SPMIP2: variants seen among roughly 807,000 people sequenced by gnomAD.
SPMIP2 encodes the protein protein SPMIP2.
chr4:159,009,124 T>C, the SPMIP2 span, among the ~76,000 whole-genome samples: 15 of 152,362 alleles, frequency 9.8e-5, no homozygotes, highest in East Asian at 2.9e-3. Flanking sequence ...GAGATGCTAA[T>C]AATTGGTTCT....
At chr4:159,026,567 T>A in the SPMIP2 span, 3 of 484,258 alleles carry the variant, frequency 6.2e-6, no homozygotes, top group Non-Finnish European at 1.2e-5. Context: ...GCTATGAAAA[T>A]CAACAAGCTC....
chr4:158,949,104 A>G, the SPMIP2 span, among the ~76,000 whole-genome samples: 4 of 152,192 alleles, frequency 2.6e-5, no homozygotes, highest in Non-Finnish European at 5.9e-5. Context: ...TATATAGTAT[A>G]CAATTTCTAG....
At chr4:158,921,887 T>C in the SPMIP2 span, among the ~76,000 whole-genome samples, 1 of 56,940 alleles carries the variant, frequency 1.8e-5, no homozygotes, top group Non-Finnish European at 3.7e-5. Flanking sequence ...CTACATACTT[T>C]TTTTTTTTTT....
At chr4:159,065,387 T>C in the SPMIP2 span, among the ~76,000 whole-genome samples, 10 of 152,228 alleles carry the variant, frequency 6.6e-5, no homozygotes, top group Admixed American at 6.5e-4. Context: ...AAATTGAGAC[T>C]TTTGAAATAT....
chr4:159,069,433 T>A, the SPMIP2 span, among the ~76,000 whole-genome samples: 1 of 151,992 alleles, frequency 6.6e-6, no homozygotes, highest in Non-Finnish European at 1.5e-5. Context: ...ACTTGTTTTC[T>A]TTTTTCTTTT....
the SPMIP2 span, among the ~76,000 whole-genome samples, chr4:159,066,560 A>C: frequency 1.3e-5 from 2 of 149,006 alleles, no homozygotes; most frequent in Admixed American, 1.4e-4. Context: ...TATCCTATAT[A>C]TGTATGGGAT....
chr4:159,075,001 C>A, the SPMIP2 span, among the ~76,000 whole-genome samples: 38 of 152,330 alleles, frequency 2.5e-4, no homozygotes, highest in Admixed American at 3.9e-4. Context: ...TGCCCTCTCA[C>A]AGTGACCACC....
the SPMIP2 span, among the ~76,000 whole-genome samples, chr4:158,961,857 T>A: frequency 6.6e-6 from 1 of 152,136 alleles, no homozygotes; most frequent in Non-Finnish European, 1.5e-5. Flanking sequence ...ACTGTAGTGT[T>A]AAACCTAATA....
the SPMIP2 span, chr4:159,007,331 C>A: frequency 1.4e-6 from 1 of 737,622 alleles, no homozygotes. Flanking sequence ...CCCAGGCCCT[C>A]CACCCAAGGA....
chr4:158,984,313 A>G, the SPMIP2 span, among the ~76,000 whole-genome samples: 7 of 125,246 alleles, frequency 5.6e-5, no homozygotes, highest in African/African-American at 1.9e-4. Flanking sequence ...CTCCACCCCA[A>G]ATCCACAGAA....
chr4:158,976,658 C>CGT, the SPMIP2 span, among the ~76,000 whole-genome samples: 1 of 71,230 alleles, frequency 1.4e-5, no homozygotes, highest in African/African-American at 6.4e-5. Flanking sequence ...GATGGATAAG[C>CGT]ATTTTTTTTT....
chr4:158,993,746 G>A, the SPMIP2 span, among the ~76,000 whole-genome samples: 1 of 152,154 alleles, frequency 6.6e-6, no homozygotes, highest in Non-Finnish European at 1.5e-5. Context: ...TATCACCACA[G>A]CCTCCTTAAC....
the SPMIP2 span, among the ~76,000 whole-genome samples, chr4:159,011,393 T>C: frequency 6.6e-6 from 1 of 152,212 alleles, no homozygotes; most frequent in Non-Finnish European, 1.5e-5. Flanking sequence ...GGTGATGCCA[T>C]ACTGAAAACA....
chr4:158,953,093 G>A, the SPMIP2 span, among the ~76,000 whole-genome samples: 1 of 152,200 alleles, frequency 6.6e-6, no homozygotes, highest in Non-Finnish European at 1.5e-5. Flanking sequence ...GCAGAAATTT[G>A]CATAAGTAAT....
At chr4:158,993,445 T>C in the SPMIP2 span, among the ~76,000 whole-genome samples, 1 of 151,930 alleles carries the variant, frequency 6.6e-6, no homozygotes, top group African/African-American at 2.4e-5. Flanking sequence ...ATTCCATCCC[T>C]GAAGCAAATG....
chr4:158,986,426 T>C, the SPMIP2 span, among the ~76,000 whole-genome samples: 5 of 152,140 alleles, frequency 3.3e-5, no homozygotes, highest in Non-Finnish European at 5.9e-5. Flanking sequence ...GGTACTGGTA[T>C]CAAAACAGAG....
At chr4:159,039,966 A>G in the SPMIP2 span, among the ~76,000 whole-genome samples, 6 of 152,374 alleles carry the variant, frequency 3.9e-5, no homozygotes, top group East Asian at 9.6e-4. Context: ...ATTATATAGC[A>G]GAGATATATC....
chr4:158,971,026 G>T, the SPMIP2 span, among the ~76,000 whole-genome samples: 1 of 152,192 alleles, frequency 6.6e-6, no homozygotes, highest in Non-Finnish European at 1.5e-5. Flanking sequence ...TAGAGATACA[G>T]AATAAATACA....
At chr4:158,893,569 A>G in the SPMIP2 span, 1 of 714,612 alleles carries the variant, frequency 1.4e-6, no homozygotes, top group East Asian at 2.7e-5. Flanking sequence ...TTTAAGCTGA[A>G]GCGTACTCTT....
Sources: gnomAD v4.1 joint callset for allele counts (sites outside exome capture counted in the v4.1 genomes callset) on GRCh38, gnomAD v4.1.1 for gene constraint, MANE v1.5 for transcripts, NCBI Gene and HGNC (gene_info 2026-07-23, HGNC 2026-07-21) for gene names.